Variants in RGS4 observed in about 807,000 individuals in gnomAD.
RGS4 encodes the protein schizophrenia disorder 9.
In RGS4, 15 loss-of-function variants were observed where a neutral mutation model predicts 21.6. That is an observed-to-expected ratio of 0.69 (90% CI 0.46 to 1.07). RGS4 has a LOEUF of 1.07. RGS4 is among the 50% of genes least tolerant of loss of function. RGS4 has a pLI of 0.00. For synonymous variants in RGS4, 94 were observed against 85.5 expected, an observed-to-expected ratio of 1.10 and a Z score of -0.55; for missense variants, 237 against 239.0, an observed-to-expected ratio of 0.99 and a Z score of 0.06.
intron 1 of RGS4, chr1:163,071,898 G>C (rs1655327971): frequency 9.2e-6 from 6 of 654,014 alleles, no homozygotes; most frequent in Non-Finnish European, 1.1e-5. Context: ...GAACTGAATA[G>C]ACTTTTACTT....
At chr1:163,072,374 A>T in intron 1 of RGS4, 21 bp from the exon 2 acceptor site, 1 of 1,562,182 alleles carries the variant, frequency 6.4e-7, no homozygotes, top group Non-Finnish European at 8.8e-7. Flanking sequence ...CTATTTATTC[A>T]TTTTTTTCTC....
chr1:163,072,446 C>T lies in RGS4; in HGVS notation c.96C>T (p.Ser32=). 3.7e-6 allele frequency: 6 copies of T among 1,613,248 alleles called. No homozygotes were observed. Among genetic ancestry groups the T allele is most frequent in the Non-Finnish European group, 5.1e-6 (6 of 1,179,534 alleles). ...GTTTCCTGCTGCAAAAATCTGATTC[C>T]TGTGAACACAATTCTTCCCACAACA... ...RLGFLLQKSD[S]CEHNSSHNKK... The change falls in exon 2 of 5, where the codon TCC becomes TCT. Residue 32 remains serine, a synonymous_variant. Transcript: ENST00000367909.
rs201846465 is a variant in RGS4, at chr1:163,074,503, G to C, written c.561G>C (p.Lys187Asn). 149 of 1,613,844 alleles carry C rather than the reference G, an allele frequency of 9.2e-5. No homozygotes were observed. Among genetic ancestry groups the C allele is most frequent in the Non-Finnish European group, 1.2e-4 (138 of 1,179,890 alleles). ...LVNPSSCGAEKQKGAKSSADC... is the reference protein window; with the variant it reads ...LVNPSSCGAENQKGAKSSADC... ...ACCCGTCCAGCTGTGGGGCAGAAAA[G>C]CAGAAAGGAGCCAAGAGTTCAGCAG... Residue 187 changes from lysine (K) to asparagine (N), a missense_variant, in exon 5 of 5, where the codon AAG (lysine) becomes AAC (asparagine). Physicochemically the swap from Lys to Asn is moderately conservative, Grantham distance 94. Transcript: ENST00000367909.
intron 4 of RGS4, 68 bp downstream of exon 4, chr1:163,073,690 C>A: frequency 2.0e-6 from 2 of 1,021,746 alleles, no homozygotes; most frequent in East Asian, 2.6e-5. Flanking sequence ...TTGATACATG[C>A]ATACAATGTG....
upstream of RGS4, chr1:163,069,130 T>G (rs1483677357): frequency 2.0e-6 from 3 of 1,502,534 alleles, 1 homozygote; most frequent in African/African-American, 4.3e-5. Context: ...ATTCTAAACC[T>G]CTGACATTGG....
chr1:163,074,937 T>C lies in RGS4; in HGVS notation c.*377T>C. The C allele has an allele frequency of 1.8e-6, 1 of 545,616 alleles. No individual in the cohort carries two copies. Among genetic ancestry groups the C allele is most frequent in the Non-Finnish European group, 3.3e-6 (1 of 305,696 alleles). The allele number at this position is 545,616 out of a possible 1,614,324, so 33.8% of individuals were successfully genotyped here. A position where few individuals can be genotyped will look rare whatever the true frequency, so the allele number is the denominator to read the frequency against. On this transcript the variant is annotated 3_prime_UTR_variant, in exon 5 of 5. Coordinates refer to ENST00000367909, the MANE Select transcript of RGS4 (RefSeq NM_005613.6). ...GACATCCACATGCACATGTATTCTGTTGGCCAGCACGTTCTCCAGACTCTA... is the reference window on the plus strand; with the variant it reads ...GACATCCACATGCACATGTATTCTGCTGGCCAGCACGTTCTCCAGACTCTA...
chr1:163,068,937 G>A, upstream of RGS4: 1 of 1,593,922 alleles, frequency 6.3e-7, no homozygotes, highest in Non-Finnish European at 8.6e-7. Flanking sequence ...CTTGGACCAT[G>A]TATAATATGA....
At chr1:163,073,431 T>G in intron 3 of RGS4, 25 bp from the exon 4 acceptor site, 1 of 1,532,732 alleles carries the variant, frequency 6.5e-7, no homozygotes, top group Non-Finnish European at 8.7e-7. Context: ...TGATGACAAC[T>G]GTGGTCCTTT....
At chr1:163,069,669 A>C (rs750660719) in intron 1 of RGS4, 141 bp downstream of exon 1, 5 of 690,750 alleles carry the variant, frequency 7.2e-6, no homozygotes, top group African/African-American at 1.8e-5. Context: ...CTTTCCTCCA[A>C]GACTAGCTAG....
rs1466195293 is a variant in RGS4, at chr1:163,074,210, G to T, written c.379-111G>T. 29 of 1,419,812 alleles carry T rather than the reference G, an allele frequency of 2.0e-5. No homozygotes were observed. In the East Asian group the frequency reaches 6.6e-4, roughly 32 times the overall value. 88.0% of individuals were successfully genotyped at this position (1,419,812 alleles called of 1,614,324 possible). A position where few individuals can be genotyped will look rare whatever the true frequency, so the allele number is the denominator to read the frequency against. On this transcript the variant is annotated intron_variant, in intron 4 of 4. Coordinates refer to ENST00000367909, the MANE Select transcript of RGS4 (RefSeq NM_005613.6). ...GACCCCAATGTCACTTTTGTTTTTT[G>T]CTTCTGAAATACAGAGGGTGCACTG...
Position 163,075,057 on chromosome 1 carries a change from G to A in RGS4, c.*497G>A. The A allele has an allele frequency of 4.4e-6, 1 of 229,474 alleles. No homozygotes were observed. Among genetic ancestry groups the A allele is most frequent in the South Asian group, 7.5e-5 (1 of 13,304 alleles). The allele number at this position is 229,474 out of a possible 1,614,324, so 14.2% of individuals were successfully genotyped here. A position where few individuals can be genotyped will look rare whatever the true frequency, so the allele number is the denominator to read the frequency against. On this transcript the variant is annotated 3_prime_UTR_variant, in exon 5 of 5. Coordinates refer to ENST00000367909, the MANE Select transcript of RGS4 (RefSeq NM_005613.6). ...TTAGACACACATATACATTATTTCTGTATATAGATGTCTGTGTATACATAT... is the reference window on the plus strand; with the variant it reads ...TTAGACACACATATACATTATTTCTATATATAGATGTCTGTGTATACATAT...
Position 163,074,416 on chromosome 1 carries a change from C to T in RGS4, c.474C>T (p.Asn158=), listed in dbSNP as rs1282595133. 6.2e-7 allele frequency: 1 copy of T among 1,613,736 alleles called. No homozygotes were observed. The highest frequency in any genetic ancestry group is 8.5e-7 in the Non-Finnish European group (1 of 1,179,858). ...CFDEAQKKIF[N]LMEKDSYRRF... is the part of the protein sequence containing the mutation. The stretch of plus-strand genomic sequence containing the variant: ...ATGAGGCCCAGAAGAAGATTTTCAA[C>T]CTGATGGAGAAGGATTCCTACCGCC... Residue 158 remains asparagine, a synonymous_variant, in exon 5 of 5, where the codon AAC becomes AAT. Coordinates refer to ENST00000367909, the MANE Select transcript of RGS4 (RefSeq NM_005613.6).
rs1193648449 is a variant in RGS4 at position 163,075,302 on chromosome 1, A to G, written c.*742A>G. The G allele has an allele frequency of 1.3e-5, 2 of 152,544 alleles. No homozygotes were observed. Among genetic ancestry groups the G allele is most frequent in the East Asian group, 3.9e-4 (2 of 5,186 alleles). 9.4% of individuals were successfully genotyped at this position (152,544 alleles called of 1,614,324 possible). A position where few individuals can be genotyped will look rare whatever the true frequency, so the allele number is the denominator to read the frequency against. On this transcript the variant is annotated 3_prime_UTR_variant, in exon 5 of 5. Coordinates refer to ENST00000367909, the MANE Select transcript of RGS4 (RefSeq NM_005613.6). ...CTAACCTGTGGAAAGTTGGTTTTGT[A>G]AAATTCCATGGATCTTGCTGGAGAA...
chr1:163,075,964 A>T lies in RGS4; in HGVS notation c.*1404A>T, dbSNP rs1187081542. 1 of 152,590 alleles carries T rather than the reference A, an allele frequency of 6.6e-6. No homozygotes were observed. Among genetic ancestry groups the T allele is most frequent in the African/African-American group, 2.4e-5 (1 of 41,466 alleles). The allele number at this position is 152,590 out of a possible 1,614,324, so 9.5% of individuals were successfully genotyped here. A position where few individuals can be genotyped will look rare whatever the true frequency, so the allele number is the denominator to read the frequency against. ...AAATGAGAGGAAAAGAAAAGAAAAA[A>T]AAAATGATTGTCTAACCAATTGTGA... On this transcript the variant is annotated 3_prime_UTR_variant, in exon 5 of 5. Transcript: ENST00000367909.
chr1:163,069,580 CAGTT>C, intron 1 of RGS4, 52 bp downstream of exon 1: 1 of 1,448,232 alleles, frequency 6.9e-7, no homozygotes, highest in Middle Eastern at 1.8e-4. Context: ...TAGACTTTCT[CAGTT>C]ATTTACATGT....
Position 163,071,572 on chromosome 1 carries a change from G to T in RGS4, c.45-823G>T, listed in dbSNP as rs1300525158. 4.0e-5 allele frequency among the ~76,000 whole-genome samples: 6 copies of T among 150,634 alleles called. No individual in the cohort carries two copies. In the East Asian group the frequency reaches 9.9e-4, roughly 25 times the overall value. ...TTAGTCAGGAGCTCTAATGTGCCCT[G>T]GCTACCTATTAAATGGTGGCAATAA... On this transcript the variant is annotated intron_variant, in intron 1 of 4. Coordinates refer to ENST00000367909, the MANE Select transcript of RGS4 (RefSeq NM_005613.6).
At chr1:163,073,341 A>G (rs959098476) in intron 3 of RGS4, 115 bp from the exon 4 acceptor site, 9 of 825,158 alleles carry the variant, frequency 1.1e-5, no homozygotes, top group South Asian at 5.3e-5. Flanking sequence ...CAGGGGAAAA[A>G]GGGATTGCTT....
intron 1 of RGS4, among the ~76,000 whole-genome samples, chr1:163,069,875 C>G (rs796752621): frequency 1.7e-4 from 26 of 152,250 alleles, no homozygotes; most frequent in African/African-American, 5.8e-4. Context: ...GCTATTTGAG[C>G]ATCCCTGGAG....
At chr1:163,071,966 C>T in intron 1 of RGS4, 1 of 984,092 alleles carries the variant, frequency 1.0e-6, no homozygotes, top group Non-Finnish European at 1.2e-6. Flanking sequence ...AAATAGCAAT[C>T]ACCTGCCAGA....
Sources: allele counts gnomAD v4.1 joint callset (sites outside exome capture counted in the v4.1 genomes callset), GRCh38; gene constraint gnomAD v4.1.1; transcripts MANE v1.5; gene names NCBI Gene and HGNC (gene_info 2026-07-23, HGNC 2026-07-21).